Variants in ROBO1 observed in about 807,000 individuals in gnomAD.
ROBO1 encodes roundabout homolog 1.
ROBO1 carries 149 observed loss-of-function variants against 195.9 expected under a neutral mutation model. That is an observed-to-expected ratio of 0.76 (90% CI 0.67 to 0.87). The LOEUF (loss-of-function observed/expected upper bound fraction) is 0.87, where lower values mean the gene tolerates loss of function less well. ROBO1 is among the 40% of genes least tolerant of loss of function. ROBO1 has a pLI of 0.00. For synonymous variants in ROBO1, 816 were observed against 733.2 expected (o/e 1.11, Z -1.82); for missense variants, 1,933 against 2,068.3 (o/e 0.93, Z 1.27).
At chr3:79,458,519 A>G (rs2039692792) in intron 2 of ROBO1, among the ~76,000 whole-genome samples, 1 of 152,004 alleles carries the variant, frequency 6.6e-6, no homozygotes, top group Non-Finnish European at 1.5e-5. Flanking sequence ...TCACCCTGAC[A>G]TTTTTTATCA....
intron 4 of ROBO1, among the ~76,000 whole-genome samples, chr3:78,789,015 T>C (rs971016067): frequency 1.3e-5 from 2 of 152,146 alleles, no homozygotes; most frequent in African/African-American, 4.8e-5. Flanking sequence ...TAATCTCACA[T>C]AGGCTGGGCC....
At chr3:78,987,922 A>G (rs2077149757) in intron 3 of ROBO1, among the ~76,000 whole-genome samples, 1 of 152,174 alleles carries the variant, frequency 6.6e-6, no homozygotes, top group South Asian at 2.1e-4. Context: ...ACATAATTAT[A>G]TTATATAAAG....
intron 2 of ROBO1, among the ~76,000 whole-genome samples, chr3:79,324,218 C>A (rs936027594): frequency 1.5e-4 from 23 of 152,206 alleles, no homozygotes; most frequent in Middle Eastern, 3.4e-3. Flanking sequence ...TCTACAATCT[C>A]AGGAAGATTA....
chr3:79,691,716 C>A (rs1025211897), intron 1 of ROBO1, among the ~76,000 whole-genome samples: 16 of 151,826 alleles, frequency 1.1e-4, no homozygotes, highest in African/African-American at 3.9e-4. Context: ...AGCTTGTTAG[C>A]AAGTTCTTTT....
chr3:79,118,093 G>A (rs1005493800), intron 3 of ROBO1, among the ~76,000 whole-genome samples: 2 of 152,110 alleles, frequency 1.3e-5, no homozygotes, highest in Non-Finnish European at 1.5e-5. Context: ...TCATGATATC[G>A]GCATGTACTA....
intron 8 of ROBO1, among the ~76,000 whole-genome samples, chr3:78,701,109 G>A (rs755467822): frequency 6.6e-6 from 1 of 152,172 alleles, no homozygotes; most frequent in South Asian, 2.1e-4. Context: ...TACTACATTG[G>A]ATGACTTGTT....
chr3:79,441,088 T>C (rs1382206802), intron 2 of ROBO1, among the ~76,000 whole-genome samples: 1 of 152,174 alleles, frequency 6.6e-6, no homozygotes, highest in Admixed American at 6.6e-5. Flanking sequence ...TAAACTCTTG[T>C]TAATTATGAT....
In ROBO1 at chr3:79,547,039, G is replaced by T. The variant is rs190388944; in HGVS notation, c.88+42785C>A. Among the ~76,000 whole-genome samples, 405 of 151,914 alleles carry T rather than the reference G, an allele frequency of 2.7e-3. 1 individual carries two copies. The highest frequency in any genetic ancestry group is 4.8e-3 in the Non-Finnish European group (325 of 67,940). ...TACTAAAAATACAAAAACAAAATTA[G>T]CCGGGCGTGGTGGCGGGTGCCTCTA... On this transcript the variant is annotated intron_variant, in intron 2 of 30. Transcript: ENST00000464233.
intron 4 of ROBO1, among the ~76,000 whole-genome samples, chr3:78,920,127 A>G (rs1230460977): frequency 6.6e-6 from 1 of 152,238 alleles, no homozygotes; most frequent in African/African-American, 2.4e-5. Context: ...TAACAATTAT[A>G]TTCCCAAAGG....
At chr3:79,669,148 G>A (rs534359606) in intron 1 of ROBO1, among the ~76,000 whole-genome samples, 3 of 151,824 alleles carry the variant, frequency 2.0e-5, no homozygotes, top group African/African-American at 4.8e-5. Flanking sequence ...TCATGGGAGC[G>A]GGTCTTTCCC....
At chr3:79,215,775 C>CACAGAG (rs2082045876) in intron 2 of ROBO1, among the ~76,000 whole-genome samples, 1 of 152,170 alleles carries the variant, frequency 6.6e-6, no homozygotes, top group Admixed American at 6.6e-5. Flanking sequence ...ATATTTTCCC[C>CACAGAG]CTTAAAGGGG....
chr3:79,669,082 T>C (rs1432518574), intron 1 of ROBO1, among the ~76,000 whole-genome samples: 1 of 151,888 alleles, frequency 6.6e-6, no homozygotes, highest in Non-Finnish European at 1.5e-5. Flanking sequence ...AATCTCACCT[T>C]GTAGCTCCCA....
intron 4 of ROBO1, among the ~76,000 whole-genome samples, chr3:78,913,494 TA>T (rs909735587): frequency 1.5e-4 from 22 of 151,630 alleles, no homozygotes; most frequent in Non-Finnish European, 2.7e-4. Flanking sequence ...TAAAAAAGAG[TA>T]AAAAAAATAT....
intron 24 of ROBO1, among the ~76,000 whole-genome samples, chr3:78,632,930 A>G (rs1402495749): frequency 6.6e-6 from 1 of 152,246 alleles, no homozygotes; most frequent in East Asian, 1.9e-4. Flanking sequence ...TAAGATGTTA[A>G]TTGTTAAAAC....
At chr3:78,647,692 G>GCTGTATTCTCT (rs1285603762) in intron 19 of ROBO1, 37 bp from the exon 20 acceptor site, 3 of 1,561,092 alleles carry the variant, frequency 1.9e-6, no homozygotes, top group Non-Finnish European at 2.6e-6. Context: ...CAGTTATTAA[G>GCTGTATTCTCT]CTGAAGAGAG....
intron 1 of ROBO1, among the ~76,000 whole-genome samples, chr3:79,648,582 A>G (rs1945904303): frequency 6.6e-6 from 1 of 152,058 alleles, no homozygotes; most frequent in South Asian, 2.1e-4. Context: ...TAATGATAGG[A>G]GATTTAGAAA....
intron 2 of ROBO1, among the ~76,000 whole-genome samples, chr3:79,518,647 T>C (rs1941058595): frequency 1.3e-5 from 2 of 152,038 alleles, no homozygotes; most frequent in South Asian, 4.1e-4. Context: ...ATATTATGCA[T>C]AGATAATAAA....
intron 1 of ROBO1, among the ~76,000 whole-genome samples, chr3:79,749,470 C>T (rs370524908): frequency 2.6e-5 from 4 of 152,258 alleles, no homozygotes; most frequent in South Asian, 2.1e-4. Flanking sequence ...ATGTTAATTC[C>T]GAAGGCAATG....
chr3:79,165,426 G>T (rs1412475699), intron 2 of ROBO1, among the ~76,000 whole-genome samples: 1 of 152,212 alleles, frequency 6.6e-6, no homozygotes, highest in Non-Finnish European at 1.5e-5. Flanking sequence ...TTAGGAATGT[G>T]CTGAGTGAAC....
Sources: allele counts gnomAD v4.1 joint callset (sites outside exome capture counted in the v4.1 genomes callset), GRCh38; gene constraint gnomAD v4.1.1; transcripts MANE v1.5; gene names NCBI Gene and HGNC (gene_info 2026-07-23, HGNC 2026-07-21).